The following ZNF423 variants were observed in gnomAD, a reference collection of about 807,000 sequenced individuals.
ZNF423 encodes zinc finger protein 423.
In ZNF423, 12 loss-of-function variants were observed where a neutral mutation model predicts 95.8. The ratio of observed to expected loss-of-function variants is 0.13; its 90% CI spans 0.08 to 0.20. The LOEUF (loss-of-function observed/expected upper bound fraction) is 0.20, where lower values mean the gene tolerates loss of function less well. Ranked by LOEUF, ZNF423 falls within the 10% of genes least tolerant of loss-of-function variation. The probability of loss-of-function intolerance (pLI) is 1.00; values close to 1 mark genes in which losing one functional copy is unlikely to be tolerated. For synonymous variants in ZNF423, 749 were observed against 711.9 expected (o/e 1.05, Z -0.83); for missense variants, 1,316 against 1,737.1 (o/e 0.76, Z 4.31).
intron 5 of ZNF423, among the ~76,000 whole-genome samples, chr16:49,598,674 T>C (rs1193658418): frequency 6.6e-6 from 1 of 152,244 alleles, no homozygotes; most frequent in African/African-American, 2.4e-5. Context: ...GGCCTGGCCC[T>C]GCAATCCTGG....
chr16:49,617,780 C>A (rs1416681600), intron 5 of ZNF423, among the ~76,000 whole-genome samples: 2 of 152,206 alleles, frequency 1.3e-5, no homozygotes, highest in Non-Finnish European at 2.9e-5. Context: ...CCATCTCCTC[C>A]TGACCCCTTC....
At chr16:49,594,438 A>G (rs1268954713) in intron 5 of ZNF423, among the ~76,000 whole-genome samples, 1 of 152,110 alleles carries the variant, frequency 6.6e-6, no homozygotes, top group African/African-American at 2.4e-5. Flanking sequence ...ACACACACAC[A>G]CAAGTGCATA....
upstream of ZNF423, among the ~76,000 whole-genome samples, chr16:49,858,920 G>T (rs867801111): frequency 1.2e-4 from 19 of 152,276 alleles, no homozygotes; most frequent in Middle Eastern, 3.4e-3. The surrounding 1 kb of genome is among the most constrained non-coding windows in gnomAD (Gnocchi z 4.3). Flanking sequence ...GATGGCACAC[G>T]CTGGGGGAGG....
At chr16:49,798,725 T>A (rs1484157412) in intron 1 of ZNF423, among the ~76,000 whole-genome samples, 2 of 152,132 alleles carry the variant, frequency 1.3e-5, no homozygotes, top group Non-Finnish European at 2.9e-5. Context: ...AACAGGCAAT[T>A]TTGGCAATGC....
chr16:49,737,370 AGT>A (rs1294967444), intron 2 of ZNF423, among the ~76,000 whole-genome samples: 9 of 152,096 alleles, frequency 5.9e-5, no homozygotes, highest in Non-Finnish European at 8.8e-5. Flanking sequence ...TCCAGGTTCA[AGT>A]GATTCTCCTG....
At chr16:49,853,710 C>T (rs1047806544) in intron 1 of ZNF423, 90 of 985,384 alleles carry the variant, frequency 9.1e-5, no homozygotes, top group Non-Finnish European at 6.3e-5. Flanking sequence ...TCATGAAAGG[C>T]TGAAGACCAA....
At chr16:49,504,427 C>CA (rs1223700603) in intron 7 of ZNF423, among the ~76,000 whole-genome samples, 6 of 152,112 alleles carry the variant, frequency 3.9e-5, no homozygotes, top group Non-Finnish European at 8.8e-5. Context: ...ACCAAAAATG[C>CA]AAAAATTAGC....
chr16:49,517,782 C>G (rs557949412), intron 7 of ZNF423: 2 of 351,716 alleles, frequency 5.7e-6, no homozygotes, highest in East Asian at 7.7e-5. Flanking sequence ...TACTTTAACT[C>G]TGTGACTCGT....
chr16:49,805,157 T>C (rs2034642398), intron 1 of ZNF423, among the ~76,000 whole-genome samples: 1 of 152,006 alleles, frequency 6.6e-6, no homozygotes, highest in South Asian at 2.1e-4. Context: ...TGCCTCAGCC[T>C]CCCAAGATCC....
chr16:49,792,939 T>G (rs946003763), intron 1 of ZNF423, among the ~76,000 whole-genome samples: 1 of 151,954 alleles, frequency 6.6e-6, no homozygotes, highest in Admixed American at 6.6e-5. Context: ...TTTTTTTATT[T>G]TTATACTTTT....
chr16:49,697,963 T>A (rs2032035766), intron 3 of ZNF423, among the ~76,000 whole-genome samples: 2 of 152,186 alleles, frequency 1.3e-5, no homozygotes, highest in African/African-American at 2.4e-5. Context: ...CATGAACCAC[T>A]GCCCCATTAC....
At chr16:49,838,166 T>C (rs1174310285) in intron 1 of ZNF423, among the ~76,000 whole-genome samples, 1 of 152,238 alleles carries the variant, frequency 6.6e-6, no homozygotes, top group Non-Finnish European at 1.5e-5. Flanking sequence ...ATTTACTGGA[T>C]ACGTGCTGAT....
intron 5 of ZNF423, among the ~76,000 whole-genome samples, chr16:49,622,914 T>C (rs1250169998): frequency 6.6e-6 from 1 of 152,168 alleles, no homozygotes; most frequent in Non-Finnish European, 1.5e-5. Flanking sequence ...GTGTCTTCTA[T>C]GGGATGATCT....
At chr16:49,809,318 C>G (rs1308728705) in intron 1 of ZNF423, among the ~76,000 whole-genome samples, 1 of 152,214 alleles carries the variant, frequency 6.6e-6, no homozygotes, top group Non-Finnish European at 1.5e-5. Context: ...CCGGCCCGGC[C>G]CTGGGGGCCC....
At chr16:49,496,292 C>A in intron 7 of ZNF423, among the ~76,000 whole-genome samples, 1 of 152,322 alleles carries the variant, frequency 6.6e-6, no homozygotes, top group African/African-American at 2.4e-5. Flanking sequence ...GGATGTTTGT[C>A]CCCTCCAAAT....
chr16:49,663,460 C>T (rs950141935), intron 3 of ZNF423, among the ~76,000 whole-genome samples: 3 of 152,118 alleles, frequency 2.0e-5, no homozygotes, highest in Non-Finnish European at 4.4e-5. Context: ...ACTTCAGAGG[C>T]TAGTCTCAAT....
At position 49,638,245 on chromosome 16, in the gene ZNF423, C is replaced by T. The variant is rs1972830115; in HGVS notation, c.931G>A (p.Val311Ile). The T allele has an allele frequency of 1.2e-6, 2 of 1,611,496 alleles. No individual in the cohort carries two copies. The highest frequency in any genetic ancestry group is 1.7e-6 in the Non-Finnish European group (2 of 1,180,042). ...AGCAGTGTGTTCTCGTCGACGAAGA[C>T]CTCAGGGCAGTGAATGCACTGCAGG... is the stretch of plus-strand genomic sequence containing the variant. ...ADLQCIHCPE[V>I]FVDENTLLAH... Residue 311 changes from valine (V) to isoleucine (I), a missense_variant, in exon 4 of 8, where the codon GTC becomes ATC. This residue lies in a region of ZNF423 where 399 missense variants were observed against 478.5 expected (regional missense o/e 0.83). Transcript: ENST00000563137. This position sits in a 1 kb window ranked among gnomAD's most constrained non-coding sequence, Gnocchi z 5.6.
intron 4 of ZNF423, among the ~76,000 whole-genome samples, chr16:49,628,096 C>A (rs1972366083): frequency 6.6e-6 from 1 of 151,062 alleles, no homozygotes; most frequent in African/African-American, 2.4e-5. Context: ...TCCATCCACC[C>A]TCCATCTACC....
At chr16:49,523,803 G>T in intron 6 of ZNF423, 64 bp from the exon 7 acceptor site, 1 of 1,364,568 alleles carries the variant, frequency 7.3e-7, no homozygotes, top group Non-Finnish European at 1.0e-6. Context: ...TGTGGCAGCT[G>T]CCCCCACAAC....
Sources: gnomAD v4.1 joint callset for allele counts (sites outside exome capture counted in the v4.1 genomes callset) on GRCh38, gnomAD v4.1.1 for gene constraint, gnomAD v4.1.1 regional missense constraint, Gnocchi (gnomAD v3.1) non-coding constraint, MANE v1.5 for transcripts, NCBI Gene and HGNC (gene_info 2026-07-23, HGNC 2026-07-21) for gene names.